Variants in WDR70 observed in about 807,000 individuals in gnomAD.
The protein encoded by WDR70 is WD repeat domain 70.
WDR70 carries 53 observed loss-of-function variants against 88.6 expected under a neutral mutation model. The ratio of observed to expected loss-of-function variants is 0.60; its 90% CI spans 0.48 to 0.75. The LOEUF is 0.75. WDR70 is among the 30% of genes least tolerant of loss of function. The probability of loss-of-function intolerance (pLI) is 0.00; values close to 1 mark genes in which losing one functional copy is unlikely to be tolerated. For missense variants in WDR70, 610 were observed against 823.2 expected, an observed-to-expected ratio of 0.74 and a Z score of 3.17; for synonymous variants, 280 against 270.0, an observed-to-expected ratio of 1.04 and a Z score of -0.36.
intron 9 of WDR70, among the ~76,000 whole-genome samples, chr5:37,547,103 A>G (rs1231754942): frequency 1.3e-5 from 2 of 152,172 alleles, no homozygotes; most frequent in African/African-American, 4.8e-5. Flanking sequence ...AATCCACTGC[A>G]TGTTTAAATT....
chr5:37,379,539 G>A lies in WDR70; in HGVS notation c.76G>A (p.Gly26Ser), dbSNP rs1310812215. The A allele has an allele frequency of 6.2e-7, 1 of 1,614,000 alleles. No individual in the cohort carries two copies. Among genetic ancestry groups the A allele is most frequent in the Non-Finnish European group, 8.5e-7 (1 of 1,179,872 alleles). ...GPDPQLAVTM[G>S]FTGFGKKART... ...GGACCCGCAGCTTGCGGTCACCATG[G>A]GCTTCACGGGGTTCGGTGAGTGACT... Residue 26 changes from glycine (G) to serine (S), a missense_variant, in exon 2 of 18, where the codon GGC becomes AGC. Physicochemically the swap from Gly to Ser is moderately conservative, Grantham distance 56. This residue lies in a region of WDR70 where 203 missense variants were observed against 228.1 expected (regional missense o/e 0.89). Transcript: ENST00000265107.
At chr5:37,568,200 T>C (rs1453104608) in intron 9 of WDR70, among the ~76,000 whole-genome samples, 1 of 152,146 alleles carries the variant, frequency 6.6e-6, no homozygotes, top group Non-Finnish European at 1.5e-5. Flanking sequence ...TAGTGAGTGA[T>C]TCTGTGAATT....
chr5:37,386,469 G>C (rs987464430), intron 3 of WDR70, among the ~76,000 whole-genome samples: 2 of 152,046 alleles, frequency 1.3e-5, no homozygotes, highest in Admixed American at 6.6e-5. Context: ...TGGGATTATA[G>C]GCACGTGCCA....
At chr5:37,438,908 G>GTTTTTT (rs5867350) in intron 6 of WDR70, among the ~76,000 whole-genome samples, 6 of 146,248 alleles carry the variant, frequency 4.1e-5, no homozygotes, top group Middle Eastern at 3.6e-3. Flanking sequence ...GTCCTCATTC[G>GTTTTTT]TTTTTTTTTT....
intron 10 of WDR70, among the ~76,000 whole-genome samples, chr5:37,625,011 G>C (rs538783280): frequency 6.6e-6 from 1 of 152,212 alleles, no homozygotes; most frequent in Non-Finnish European, 1.5e-5. Flanking sequence ...GACTAGCTTT[G>C]AGGAATAGGG....
chr5:37,560,809 ATTTTTT>A, intron 9 of WDR70, among the ~76,000 whole-genome samples: 1 of 130,968 alleles, frequency 7.6e-6, no homozygotes, highest in African/African-American at 2.9e-5. Flanking sequence ...GCAGAAGCAG[ATTTTTT>A]TTTTTTTTTT....
chr5:37,485,251 C>T lies in WDR70; in HGVS notation c.840+5264C>T, dbSNP rs372590982. On this transcript the variant is annotated intron_variant, in intron 8 of 17. Transcript: ENST00000265107. The stretch of plus-strand genomic sequence containing the variant: ...ATTAGATTGTCTACGAAAATACAGT[C>T]GATCCTCCTTGTTTTCAGCTTTTGT... Among the ~76,000 whole-genome samples the T allele has an allele frequency of 2.1e-3, 323 of 152,232 alleles. 1 individual carries two copies. Among genetic ancestry groups the T allele is most frequent in the African/African-American group, 7.1e-3 (293 of 41,520 alleles).
At chr5:37,695,582 T>A (rs1471987848) in intron 10 of WDR70, among the ~76,000 whole-genome samples, 2 of 152,224 alleles carry the variant, frequency 1.3e-5, no homozygotes, top group African/African-American at 4.8e-5. Context: ...CTCAGATCCC[T>A]GTTTCCTTGA....
At chr5:37,487,616 TA>T (rs1739917227) in intron 8 of WDR70, among the ~76,000 whole-genome samples, 1 of 43,248 alleles carries the variant, frequency 2.3e-5, no homozygotes, top group Admixed American at 4.8e-4. Flanking sequence ...TATATATATA[TA>T]TATATATGTA....
intron 10 of WDR70, among the ~76,000 whole-genome samples, chr5:37,670,121 G>A (rs952747008): frequency 1.3e-5 from 2 of 152,092 alleles, no homozygotes; most frequent in Non-Finnish European, 2.9e-5. Flanking sequence ...GCAACTCTTG[G>A]AATATACTGA....
At chr5:37,409,205 C>T (rs979201452) in intron 5 of WDR70, among the ~76,000 whole-genome samples, 2 of 152,152 alleles carry the variant, frequency 1.3e-5, no homozygotes, top group African/African-American at 2.4e-5. Flanking sequence ...TCCTAAAGTG[C>T]TGGGATTACA....
chr5:37,426,962 G>C (rs1372707081), intron 5 of WDR70, among the ~76,000 whole-genome samples: 1 of 152,058 alleles, frequency 6.6e-6, no homozygotes, highest in African/African-American at 2.4e-5. Flanking sequence ...TTTTTTTAGA[G>C]ATGGGGTTTC....
intron 10 of WDR70, among the ~76,000 whole-genome samples, chr5:37,607,182 TCCACC>T (rs1437072500): frequency 1.3e-5 from 2 of 151,662 alleles, no homozygotes; most frequent in Non-Finnish European, 2.9e-5. Context: ...GCCTCAGGGA[TCCACC>T]CACCTTGGCC....
At chr5:37,483,992 C>T (rs1309675772) in intron 8 of WDR70, among the ~76,000 whole-genome samples, 13 of 148,252 alleles carry the variant, frequency 8.8e-5, no homozygotes, top group South Asian at 2.2e-4. Context: ...ACATCTCAGA[C>T]GATGGGCGGC....
intron 9 of WDR70, among the ~76,000 whole-genome samples, chr5:37,532,670 T>A (rs1443445167): frequency 6.6e-6 from 1 of 152,108 alleles, no homozygotes; most frequent in East Asian, 1.9e-4. Flanking sequence ...CTATCCTGTA[T>A]CATGTTTTTG....
intron 9 of WDR70, among the ~76,000 whole-genome samples, chr5:37,542,774 G>T (rs1382887685): frequency 1.3e-5 from 2 of 152,154 alleles, no homozygotes; most frequent in Non-Finnish European, 2.9e-5. Flanking sequence ...CAGCAATAAA[G>T]ATACATTTTT....
intron 9 of WDR70, among the ~76,000 whole-genome samples, chr5:37,562,730 C>A (rs558004186): frequency 6.6e-6 from 1 of 152,162 alleles, no homozygotes; most frequent in South Asian, 2.1e-4. Context: ...CCTGAGTGGA[C>A]ACCGCACATG....
chr5:37,608,306 C>G (rs1744092878), intron 10 of WDR70, among the ~76,000 whole-genome samples: 1 of 152,142 alleles, frequency 6.6e-6, no homozygotes, highest in Non-Finnish European at 1.5e-5. Flanking sequence ...TCCCAAAGTG[C>G]TAGGATTACA....
intron 4 of WDR70, 69 bp from the exon 5 acceptor site, chr5:37,396,306 T>C: frequency 2.1e-6 from 3 of 1,459,706 alleles, no homozygotes; most frequent in Non-Finnish European, 9.1e-7. Flanking sequence ...TCCTGAGAAA[T>C]GAATACTATT....
Sources: allele counts gnomAD v4.1 joint callset (sites outside exome capture counted in the v4.1 genomes callset), GRCh38; gene constraint gnomAD v4.1.1; regional missense constraint gnomAD v4.1.1; transcripts MANE v1.5; gene names NCBI Gene and HGNC (gene_info 2026-07-23, HGNC 2026-07-21).